Variants in ZNF608 observed in about 807,000 individuals in gnomAD.
ZNF608 encodes the protein zinc finger protein 608.
ZNF608 carries 12 observed loss-of-function variants against 109.0 expected under a neutral mutation model. That is an observed-to-expected ratio of 0.11 (90% CI 0.07 to 0.18). The LOEUF (loss-of-function observed/expected upper bound fraction) is 0.18, where lower values mean the gene tolerates loss of function less well. Among genes scored for constraint, ZNF608 ranks in the 10% least tolerant of loss-of-function variants. The probability of loss-of-function intolerance (pLI) is 1.00; values close to 1 mark genes in which losing one functional copy is unlikely to be tolerated. For synonymous variants in ZNF608, 732 were observed against 717.4 expected, an observed-to-expected ratio of 1.02 and a Z score of -0.33; for missense variants, 1,707 against 1,879.3, an observed-to-expected ratio of 0.91 and a Z score of 1.70.
intron 3 of ZNF608, among the ~76,000 whole-genome samples, chr5:124,685,618 G>GAAAAA (rs763936854): frequency 7.3e-6 from 1 of 136,116 alleles, no homozygotes; most frequent in Non-Finnish European, 1.6e-5. Context: ...AAATCTAGAG[G>GAAAAA]AAAAAAAAAA....
intron 3 of ZNF608, among the ~76,000 whole-genome samples, chr5:124,658,573 T>C (rs1246748206): frequency 1.3e-5 from 2 of 152,240 alleles, no homozygotes; most frequent in Non-Finnish European, 2.9e-5. Flanking sequence ...CTGCTCCTTG[T>C]CAGGCACCAC....
At chr5:124,746,748 T>C, upstream of ZNF608, 1 of 984,800 alleles carries the variant, frequency 1.0e-6, no homozygotes, top group Non-Finnish European at 1.2e-6. Flanking sequence ...GAAGTGGCAT[T>C]TTTCCGCCCG....
At chr5:124,643,804 A>G in intron 6 of ZNF608, 121 bp from the exon 7 acceptor site, 2 of 932,426 alleles carry the variant, frequency 2.1e-6, no homozygotes, top group Non-Finnish European at 3.2e-6. Context: ...TTACATTAAG[A>G]ATGGGCTACA....
chr5:124,657,531 C>T lies in ZNF608; in HGVS notation c.1163-7834G>A, dbSNP rs189987462. 3.0e-3 allele frequency among the ~76,000 whole-genome samples: 455 copies of T among 152,096 alleles called. 2 individuals carry two copies. The highest frequency in any genetic ancestry group is 9.2e-3 in the African/African-American group (383 of 41,490). ...AAAAAATAAAAAAATAAAAAATAGCCGGGCCTGGTGGTGGGCACCTGTAGT... is the reference window on the plus strand; with the variant it reads ...AAAAAATAAAAAAATAAAAAATAGCTGGGCCTGGTGGTGGGCACCTGTAGT... On this transcript the variant is annotated intron_variant, in intron 3 of 9. Transcript: ENST00000513986.
rs1464352076 is a variant in ZNF608, at chr5:124,646,692, G to A, written c.3692C>T (p.Ser1231Leu). Residue 1231 changes from serine (S) to leucine (L), a missense_variant, in exon 5 of 10, where the codon TCG (serine) becomes TTG (leucine). This residue lies in a region of ZNF608 where 1,073 missense variants were observed against 1,133.5 expected (regional missense o/e 0.95). Coordinates refer to ENST00000513986, the MANE Select transcript of ZNF608 (RefSeq NM_020747.3). ...SMKQTGVDPT[S>L]RFKQDPDSRT... ...CCACAATCTTACTTGTTTAAATCTC[G>A]AGGTTGGGTCTACACCTGTCTGCTT... 2 of 1,609,644 alleles carry A rather than the reference G, an allele frequency of 1.2e-6. No homozygotes were observed. Among genetic ancestry groups the A allele is most frequent in the Non-Finnish European group, 1.7e-6 (2 of 1,176,582 alleles).
chr5:124,649,205 T>C, intron 4 of ZNF608, 72 bp from the exon 5 acceptor site: 2 of 1,323,084 alleles, frequency 1.5e-6, no homozygotes, highest in South Asian at 3.0e-5. Context: ...AAGTACACAA[T>C]GCAGTAAAGA....
intron 3 of ZNF608, among the ~76,000 whole-genome samples, chr5:124,675,192 A>T (rs1751891059): frequency 6.6e-6 from 1 of 152,190 alleles, no homozygotes; most frequent in South Asian, 2.1e-4. Flanking sequence ...CAAGGGTGAA[A>T]TTTACAGAAG....
At chr5:124,696,334 C>T (rs939651937) in intron 3 of ZNF608, among the ~76,000 whole-genome samples, 1 of 152,218 alleles carries the variant, frequency 6.6e-6, no homozygotes, top group African/African-American at 2.4e-5. Context: ...CATTCATCCT[C>T]TCACACCAGG....
intron 3 of ZNF608, among the ~76,000 whole-genome samples, chr5:124,669,377 GGAA>G (rs1751620143): frequency 6.6e-6 from 1 of 152,156 alleles, no homozygotes; most frequent in Non-Finnish European, 1.5e-5. Flanking sequence ...TTTCCACAAT[GGAA>G]GAAGAGGTGT....
intron 2 of ZNF608, among the ~76,000 whole-genome samples, chr5:124,730,795 C>T (rs755466941): frequency 3.9e-4 from 60 of 152,238 alleles, no homozygotes; most frequent in Non-Finnish European, 6.0e-4. Flanking sequence ...TGTGAGGGGC[C>T]GAAAGCTCAG....
At chr5:124,732,710 A>G (rs1193251281) in intron 2 of ZNF608, among the ~76,000 whole-genome samples, 1 of 152,130 alleles carries the variant, frequency 6.6e-6, no homozygotes, top group Non-Finnish European at 1.5e-5. Context: ...AATGGTCCCA[A>G]TTATTCAAGA....
chr5:124,745,084 A>G lies in ZNF608; in HGVS notation c.-95T>C. On this transcript the variant is annotated 5_prime_UTR_variant, in exon 2 of 10. Transcript: ENST00000513986. ...TCTCCGCTGGGCTTTCTCTCAAAGAAAAAAAAAATCTTCTAATCTTCCTCT... is the reference window on the plus strand; with the variant it reads ...TCTCCGCTGGGCTTTCTCTCAAAGAGAAAAAAAATCTTCTAATCTTCCTCT... 1 of 1,481,022 alleles carries G rather than the reference A, an allele frequency of 6.8e-7. No individual in the cohort carries two copies. 91.7% of individuals were successfully genotyped at this position (1,481,022 alleles called of 1,614,324 possible).
At chr5:124,708,723 A>T (rs1009307853) in intron 2 of ZNF608, 4 of 456,174 alleles carry the variant, frequency 8.8e-6, no homozygotes, top group Admixed American at 4.7e-5. Flanking sequence ...AGGTATGAAG[A>T]CCAACCCTGC....
At chr5:124,706,277 G>A (rs1386618050) in intron 2 of ZNF608, among the ~76,000 whole-genome samples, 1 of 152,164 alleles carries the variant, frequency 6.6e-6, no homozygotes, top group Non-Finnish European at 1.5e-5. Flanking sequence ...AATAACATCT[G>A]GCTCATGTGA....
chr5:124,685,802 A>T (rs1752389824), intron 3 of ZNF608, among the ~76,000 whole-genome samples: 1 of 151,994 alleles, frequency 6.6e-6, no homozygotes. Context: ...AGAGCCACAG[A>T]CCTCTGTGCT....
rs561158593 is a variant in ZNF608 at position 124,694,014 on chromosome 5, T to C, written c.1162+7000A>G. ...TTTTTGAGAGAGAGTCTCGCTCTGT[T>C]GCCCAGGCTAGAGTGCAGTGGCGCG... On this transcript the variant is annotated intron_variant, in intron 3 of 9. Coordinates refer to ENST00000513986, the MANE Select transcript of ZNF608 (RefSeq NM_020747.3). Among the ~76,000 whole-genome samples the C allele has an allele frequency of 1.5e-3, 154 of 106,104 alleles. 1 individual carries two copies. The highest frequency in any genetic ancestry group is 0.012 in the Middle Eastern group (2 of 170). The allele number at this position is 106,104 out of a possible 152,430, so 69.6% of individuals were successfully genotyped here.
At chr5:124,658,868 G>T in intron 3 of ZNF608, among the ~76,000 whole-genome samples, 1 of 152,138 alleles carries the variant, frequency 6.6e-6, no homozygotes, top group East Asian at 1.9e-4. Flanking sequence ...AAGGTATTTT[G>T]TAATTATTGA....
chr5:124,674,184 T>G (rs1257132006), intron 3 of ZNF608, among the ~76,000 whole-genome samples: 1 of 152,182 alleles, frequency 6.6e-6, no homozygotes, highest in Non-Finnish European at 1.5e-5. Flanking sequence ...CACTACACAT[T>G]ATAGGTAAAT....
Position 124,644,636 on chromosome 5 carries a change from T to C in ZNF608, c.3731A>G (p.His1244Arg), listed in dbSNP as rs773061781. 6.4e-7 allele frequency: 1 copy of C among 1,565,632 alleles called. No homozygotes were observed. Among genetic ancestry groups the C allele is most frequent in the East Asian group, 2.3e-5 (1 of 44,250 alleles). The change falls in exon 6 of 10, where the codon CAT becomes CGT. Residue 1244 changes from histidine to arginine, a missense_variant. His to Arg is a conservative substitution (Grantham distance 29, BLOSUM62 0). Coordinates refer to ENST00000513986, the MANE Select transcript of ZNF608 (RefSeq NM_020747.3). The stretch of plus-strand genomic sequence containing the variant: ...CAGATATTTGGGCTGGTATACATAA[T>C]GATGCCATGTTCTTGAATCTGGGTC... ...KQDPDSRTWH[H>R]YVYQPKYLDQ...
Sources: gnomAD v4.1 joint callset for allele counts (sites outside exome capture counted in the v4.1 genomes callset) on GRCh38, gnomAD v4.1.1 for gene constraint, gnomAD v4.1.1 regional missense constraint, MANE v1.5 for transcripts, NCBI Gene and HGNC (gene_info 2026-07-23, HGNC 2026-07-21) for gene names.